The following PAK5 variants were observed in gnomAD, a reference collection of about 807,000 sequenced individuals.
PAK5 encodes p21 (RAC1) activated kinase 5.
PAK5 carries 16 observed loss-of-function variants against 65.9 expected under a neutral mutation model. That is an observed-to-expected ratio of 0.24 (90% CI 0.16 to 0.37). The LOEUF (loss-of-function observed/expected upper bound fraction) is 0.37, where lower values mean the gene tolerates loss of function less well. Ranked by LOEUF, PAK5 falls within the 10% of genes least tolerant of loss-of-function variation. The probability of loss-of-function intolerance (pLI) is 1.00; values close to 1 mark genes in which losing one functional copy is unlikely to be tolerated. For missense variants in PAK5, 785 were observed against 903.9 expected, an observed-to-expected ratio of 0.87 and a Z score of 1.69; for synonymous variants, 371 against 354.9, an observed-to-expected ratio of 1.05 and a Z score of -0.51.
chr20:9,823,649 C>T (rs1165885054), intron 1 of PAK5, among the ~76,000 whole-genome samples: 1 of 152,182 alleles, frequency 6.6e-6, no homozygotes, highest in Admixed American at 6.5e-5. Flanking sequence ...TCCATTAAAC[C>T]TCTTTCCTTT....
At chr20:9,660,030 C>T (rs761010549) in intron 2 of PAK5, among the ~76,000 whole-genome samples, 1 of 152,056 alleles carries the variant, frequency 6.6e-6, no homozygotes, top group Non-Finnish European at 1.5e-5. Context: ...ATAAGAGAAG[C>T]AAAAACAATA....
At chr20:9,559,228 G>A (rs1463710396) in intron 6 of PAK5, among the ~76,000 whole-genome samples, 1 of 152,168 alleles carries the variant, frequency 6.6e-6, no homozygotes, top group Non-Finnish European at 1.5e-5. Flanking sequence ...GTCCTAAAGC[G>A]AACTATCATC....
chr20:9,590,029 C>A (rs1452639590), intron 3 of PAK5, among the ~76,000 whole-genome samples: 2 of 151,900 alleles, frequency 1.3e-5, no homozygotes, highest in African/African-American at 4.8e-5. Flanking sequence ...GCTCTGTCTT[C>A]CAGGCTGGAG....
intron 1 of PAK5, among the ~76,000 whole-genome samples, chr20:9,834,936 T>C (rs1024427849): frequency 2.6e-5 from 4 of 152,204 alleles, no homozygotes; most frequent in Non-Finnish European, 4.4e-5. Flanking sequence ...TATTGACTGA[T>C]TGATGTATTT....
chr20:9,606,368 G>A (rs2046454669), intron 3 of PAK5, among the ~76,000 whole-genome samples: 2 of 152,154 alleles, frequency 1.3e-5, no homozygotes, highest in African/African-American at 4.8e-5. Flanking sequence ...GCCTGCAGAG[G>A]AGGTGAGCCA....
At chr20:9,650,834 A>C (rs2047193874) in intron 2 of PAK5, among the ~76,000 whole-genome samples, 1 of 152,180 alleles carries the variant, frequency 6.6e-6, no homozygotes, top group Non-Finnish European at 1.5e-5. Flanking sequence ...ACCACCCATT[A>C]AAAGGGGCCA....
chr20:9,788,683 A>G (rs548061706), intron 1 of PAK5, among the ~76,000 whole-genome samples: 73 of 152,268 alleles, frequency 4.8e-4, no homozygotes, highest in African/African-American at 1.7e-3. Flanking sequence ...GTTTGTTTAA[A>G]CTGGATATGT....
At chr20:9,605,696 A>G (rs533843923) in intron 3 of PAK5, among the ~76,000 whole-genome samples, 1 of 152,316 alleles carries the variant, frequency 6.6e-6, no homozygotes, top group East Asian at 1.9e-4. Context: ...TGTGAGGCCA[A>G]GGCAGGCGGA....
intron 1 of PAK5, among the ~76,000 whole-genome samples, chr20:9,757,947 T>A (rs1386627149): frequency 6.6e-6 from 1 of 152,166 alleles, no homozygotes; most frequent in Admixed American, 6.6e-5. Flanking sequence ...AACAATCAAA[T>A]GTTGAATTCG....
intron 3 of PAK5, among the ~76,000 whole-genome samples, chr20:9,599,378 T>C (rs968529260): frequency 6.6e-6 from 1 of 152,218 alleles, no homozygotes; most frequent in African/African-American, 2.4e-5. Flanking sequence ...TACTGAGTAG[T>C]GGAGTTGCTA....
chr20:9,638,422 C>T (rs953648002), intron 3 of PAK5, among the ~76,000 whole-genome samples: 18 of 152,192 alleles, frequency 1.2e-4, no homozygotes, highest in African/African-American at 3.6e-4. Context: ...TAACTTGTGG[C>T]TTCTGGTTAA....
chr20:9,570,267 A>G (rs1341952674), intron 4 of PAK5, among the ~76,000 whole-genome samples: 1 of 152,224 alleles, frequency 6.6e-6, no homozygotes, highest in African/African-American at 2.4e-5. Flanking sequence ...AGTAACTGCA[A>G]TATTATCAAA....
intron 1 of PAK5, among the ~76,000 whole-genome samples, chr20:9,716,688 C>T (rs532173474): frequency 1.3e-5 from 2 of 152,290 alleles, no homozygotes; most frequent in Middle Eastern, 3.4e-3. Flanking sequence ...CAAATCATCA[C>T]TAAAACTCTC....
chr20:9,827,157 T>C (rs1978341364), intron 1 of PAK5, among the ~76,000 whole-genome samples: 1 of 152,222 alleles, frequency 6.6e-6, no homozygotes, highest in African/African-American at 2.4e-5. Context: ...AGTTTGTGTG[T>C]TTTTAAAGAA....
At chr20:9,669,945 C>T (rs982879073) in intron 2 of PAK5, among the ~76,000 whole-genome samples, 6 of 152,058 alleles carry the variant, frequency 3.9e-5, no homozygotes, top group East Asian at 1.9e-4. Context: ...CACAACAGTC[C>T]CCAGAGTGTG....
Position 9,580,266 on chromosome 20 carries a change from G to A in PAK5, c.869C>T (p.Ser290Leu), listed in dbSNP as rs559720359. The A allele has an allele frequency of 9.9e-6, 16 of 1,614,120 alleles. No individual in the cohort carries two copies. Among genetic ancestry groups the A allele is most frequent in the South Asian group, 4.4e-5 (4 of 91,072 alleles). ...PTMRQRSRSG[S>L]GLQEPMMPFG... ...TGGCATCATCGGTTCCTGGAGTCCCGAGCCTGACCTGGACCTCTGCCGCAT... is the reference window on the plus strand; with the variant it reads ...TGGCATCATCGGTTCCTGGAGTCCCAAGCCTGACCTGGACCTCTGCCGCAT... Residue 290 changes from serine (S) to leucine (L), a missense_variant, in exon 4 of 10, where the codon TCG becomes TTG. Coordinates refer to ENST00000353224, the MANE Select transcript of PAK5 (RefSeq NM_177990.4).
At chr20:9,598,120 C>T (rs2046302594) in intron 3 of PAK5, among the ~76,000 whole-genome samples, 1 of 152,160 alleles carries the variant, frequency 6.6e-6, no homozygotes, top group African/African-American at 2.4e-5. Context: ...CCCCCCATGA[C>T]AGGCCCAGTG....
rs1409265269 is a variant in PAK5 at position 9,621,395 on chromosome 20, C to A, written c.204+22730G>T. On this transcript the variant is annotated intron_variant, in intron 3 of 9. Coordinates refer to ENST00000353224, the MANE Select transcript of PAK5 (RefSeq NM_177990.4). ...TAAAAAAATGTCATTAAGTTCAGGG[C>A]AGGACTGATTAAAAAAAAAAAAAAA... 6.6e-5 allele frequency among the ~76,000 whole-genome samples: 8 copies of A among 121,230 alleles called. No homozygotes were observed. In the South Asian group the frequency reaches 8.3e-4, roughly 13 times the overall value. The allele number at this position is 121,230 out of a possible 152,430, so 79.5% of individuals were successfully genotyped here.
chr20:9,808,722 T>C (rs2049262213), intron 1 of PAK5, among the ~76,000 whole-genome samples: 1 of 151,672 alleles, frequency 6.6e-6, no homozygotes, highest in African/African-American at 2.4e-5. Context: ...AGGCTTGGAG[T>C]TTGGTGGGGT....
Sources: allele counts gnomAD v4.1 joint callset (sites outside exome capture counted in the v4.1 genomes callset), GRCh38; gene constraint gnomAD v4.1.1; transcripts MANE v1.5; gene names NCBI Gene and HGNC (gene_info 2026-07-23, HGNC 2026-07-21).